YIPF4: variants seen among roughly 807,000 people sequenced by gnomAD.
YIPF4 encodes the protein Yip1 domain family member 4.
In YIPF4, 18 loss-of-function variants were observed where a neutral mutation model predicts 29.4. That is an observed-to-expected ratio of 0.61 (90% CI 0.42 to 0.91). YIPF4 has a LOEUF of 0.91. YIPF4 is among the 40% of genes least tolerant of loss of function. YIPF4 has a pLI of 0.00. For missense variants in YIPF4, 279 were observed against 282.7 expected (o/e 0.99, Z 0.09); for synonymous variants, 115 against 104.7 (o/e 1.10, Z -0.60).
Position 32,278,064 on chromosome 2 carries a change from A to C in YIPF4, c.-92A>C. ...CGTCGAGACTCGTAGGCCGCACCGT[A>C]GGGCGAGCGTGCGGGTCGCCGCCGC... is the stretch of plus-strand genomic sequence containing the variant. On this transcript the variant is annotated 5_prime_UTR_variant, in exon 1 of 6. Transcript: ENST00000238831. 1 of 1,132,392 alleles carries C rather than the reference A, an allele frequency of 8.8e-7. No individual in the cohort carries two copies. Among genetic ancestry groups the C allele is most frequent in the Non-Finnish European group, 1.2e-6 (1 of 806,702 alleles). 70.1% of individuals were successfully genotyped at this position (1,132,392 alleles called of 1,614,324 possible).
intron 3 of YIPF4, among the ~76,000 whole-genome samples, chr2:32,295,463 G>T (rs1290321644): frequency 6.6e-6 from 1 of 152,158 alleles, no homozygotes; most frequent in Non-Finnish European, 1.5e-5. Flanking sequence ...TGGTTCCTGT[G>T]GAAGCTCCAG....
chr2:32,290,169 G>A (rs112214201), intron 1 of YIPF4, among the ~76,000 whole-genome samples: 5 of 152,300 alleles, frequency 3.3e-5, no homozygotes, highest in African/African-American at 9.6e-5. Context: ...GTCATGTAAT[G>A]TATTTTGCAT....
intron 1 of YIPF4, among the ~76,000 whole-genome samples, chr2:32,282,740 CT>C (rs1231303830): frequency 1.3e-5 from 2 of 152,014 alleles, no homozygotes; most frequent in East Asian, 1.9e-4. Context: ...CCAACTTACC[CT>C]TTCTTAACCT....
chr2:32,279,570 T>G (rs1024796129), intron 1 of YIPF4, among the ~76,000 whole-genome samples: 8 of 92,756 alleles, frequency 8.6e-5, no homozygotes, highest in Admixed American at 2.3e-4. Flanking sequence ...GCTAATTTTT[T>G]TTTTTTTTGT....
chr2:32,304,492 T>C (rs572892163), intron 5 of YIPF4, among the ~76,000 whole-genome samples: 1 of 152,106 alleles, frequency 6.6e-6, no homozygotes, highest in African/African-American at 2.4e-5. Flanking sequence ...AGTTTGCCAA[T>C]ATTTATTTTT....
chr2:32,288,522 C>G (rs2030777736), intron 1 of YIPF4, among the ~76,000 whole-genome samples: 1 of 152,090 alleles, frequency 6.6e-6, no homozygotes, highest in Non-Finnish European at 1.5e-5. Context: ...AGAAAAAACA[C>G]TCTTGGCCTG....
At chr2:32,302,782 A>G (rs1185503881) in intron 5 of YIPF4, among the ~76,000 whole-genome samples, 1 of 152,154 alleles carries the variant, frequency 6.6e-6, no homozygotes, top group Non-Finnish European at 1.5e-5. Flanking sequence ...TAGCTTCCAC[A>G]TGAAAGTATT....
intron 1 of YIPF4, among the ~76,000 whole-genome samples, chr2:32,288,219 T>A (rs2030759595): frequency 6.6e-6 from 1 of 152,200 alleles, no homozygotes; most frequent in African/African-American, 2.4e-5. Context: ...CTTGATATTT[T>A]TTCTACTTTA....
rs1490656787 is a variant in YIPF4, at chr2:32,307,076, T to G, written c.*1450T>G. 2.4e-6 allele frequency: 3 copies of G among 1,274,872 alleles called. No individual in the cohort carries two copies. Among genetic ancestry groups the G allele is most frequent in the South Asian group, 2.6e-5 (2 of 75,888 alleles). 79.0% of individuals were successfully genotyped at this position (1,274,872 alleles called of 1,614,324 possible). The stretch of plus-strand genomic sequence containing the variant: ...TTTTGAGCTAGAATAATGTAGAAAA[T>G]TACATGTACTGATTTTTTTAAAAAC... On this transcript the variant is annotated 3_prime_UTR_variant, in exon 6 of 6. Coordinates refer to ENST00000238831, the MANE Select transcript of YIPF4 (RefSeq NM_032312.4).
chr2:32,287,263 A>G (rs1301248061), intron 1 of YIPF4, among the ~76,000 whole-genome samples: 1 of 152,134 alleles, frequency 6.6e-6, no homozygotes, highest in Non-Finnish European at 1.5e-5. Context: ...TGGTATCCTT[A>G]TAACTCAAAT....
Position 32,277,986 on chromosome 2 carries a change from G to C in YIPF4, c.-170G>C. 1.8e-6 allele frequency: 1 copy of C among 568,314 alleles called. No individual in the cohort carries two copies. Among genetic ancestry groups the C allele is most frequent in the Non-Finnish European group, 3.0e-6 (1 of 331,008 alleles). The allele number at this position is 568,314 out of a possible 1,614,324, so 35.2% of individuals were successfully genotyped here. A position where few individuals can be genotyped will look rare whatever the true frequency, so the allele number is the denominator to read the frequency against. Reference sequence around the variant, plus strand: ...AAGAAGACTTTGGTGGGGTAGTCTCGGGGCAGCTCAGCGGCCCGCTGTGCC... The same window carrying C: ...AAGAAGACTTTGGTGGGGTAGTCTCCGGGCAGCTCAGCGGCCCGCTGTGCC... On this transcript the variant is annotated 5_prime_UTR_variant, in exon 1 of 6. Coordinates refer to ENST00000238831, the MANE Select transcript of YIPF4 (RefSeq NM_032312.4).
At chr2:32,281,820 A>G (rs1011271527) in intron 1 of YIPF4, among the ~76,000 whole-genome samples, 1 of 150,856 alleles carries the variant, frequency 6.6e-6, no homozygotes, top group African/African-American at 2.4e-5. Flanking sequence ...ACTTGAACCC[A>G]GAAGGCAGAG....
intron 1 of YIPF4, among the ~76,000 whole-genome samples, chr2:32,279,072 A>G (rs2030253595): frequency 6.7e-6 from 1 of 149,900 alleles, no homozygotes; most frequent in African/African-American, 2.5e-5. Context: ...GGTTCACGCC[A>G]TTCTCCTGCC....
chr2:32,304,734 A>G (rs962931230), intron 5 of YIPF4, among the ~76,000 whole-genome samples: 2 of 152,220 alleles, frequency 1.3e-5, no homozygotes, highest in Non-Finnish European at 2.9e-5. Context: ...GTCTGTTCCT[A>G]TTAGAGTTTC....
rs1457134165 is a variant in YIPF4 at position 32,311,217 on chromosome 2, TAACA to T, written c.*5595_*5598del. ...TCTACTTATGAATACATTTTATTTA[TAACA>T]AACTGGTGAAAATTTTAGACCAAAC... On this transcript the variant is annotated 3_prime_UTR_variant, in exon 6 of 6. Transcript: ENST00000238831. The T allele has an allele frequency of 1.3e-5, 2 of 152,204 alleles. No individual in the cohort carries two copies. The highest frequency in any genetic ancestry group is 3.8e-4 in the East Asian group (2 of 5,198). 9.4% of individuals were successfully genotyped at this position (152,204 alleles called of 1,614,324 possible).
Position 32,312,175 on chromosome 2 carries a change from T to C in YIPF4, c.*6549T>C, listed in dbSNP as rs2031726811. 1 of 152,144 alleles carries C rather than the reference T, an allele frequency of 6.6e-6. No individual in the cohort carries two copies. Among genetic ancestry groups the C allele is most frequent in the Non-Finnish European group, 1.5e-5 (1 of 68,034 alleles). 9.4% of individuals were successfully genotyped at this position (152,144 alleles called of 1,614,324 possible). A position where few individuals can be genotyped will look rare whatever the true frequency, so the allele number is the denominator to read the frequency against. ...TCTTTTTTTACCAAATGGTACTTAATAAAATCTTTTACCTTATAAAAATCT... is the reference window on the plus strand; with the variant it reads ...TCTTTTTTTACCAAATGGTACTTAACAAAATCTTTTACCTTATAAAAATCT... On this transcript the variant is annotated 3_prime_UTR_variant, in exon 6 of 6. Coordinates refer to ENST00000238831, the MANE Select transcript of YIPF4 (RefSeq NM_032312.4).
In YIPF4 at chr2:32,307,254, T is replaced by G. The variant is rs1401415354; in HGVS notation, c.*1628T>G. 9 of 736,628 alleles carry G rather than the reference T, an allele frequency of 1.2e-5. No homozygotes were observed. The highest frequency in any genetic ancestry group is 1.1e-3 in the Middle Eastern group (2 of 1,822). 45.6% of individuals were successfully genotyped at this position (736,628 alleles called of 1,614,324 possible). A position where few individuals can be genotyped will look rare whatever the true frequency, so the allele number is the denominator to read the frequency against. On this transcript the variant is annotated 3_prime_UTR_variant, in exon 6 of 6. Coordinates refer to ENST00000238831, the MANE Select transcript of YIPF4 (RefSeq NM_032312.4). Reference sequence around the variant, plus strand: ...GTTAATACTTTGTTATAATGGATTATAATATTTGACATTCATAGTGTTGAC... The same window carrying G: ...GTTAATACTTTGTTATAATGGATTAGAATATTTGACATTCATAGTGTTGAC...
chr2:32,288,704 G>C (rs1013313055), intron 1 of YIPF4, among the ~76,000 whole-genome samples: 5 of 152,148 alleles, frequency 3.3e-5, no homozygotes, highest in African/African-American at 1.2e-4. Context: ...CAGCTACTCA[G>C]GAGGCCGAGG....
chr2:32,282,819 G>A (rs2030488370), intron 1 of YIPF4, among the ~76,000 whole-genome samples: 1 of 151,736 alleles, frequency 6.6e-6, no homozygotes, highest in Non-Finnish European at 1.5e-5. Flanking sequence ...GCTCACGCCT[G>A]TAATCCCAGA....
Sources: allele counts gnomAD v4.1 joint callset (sites outside exome capture counted in the v4.1 genomes callset), GRCh38; gene constraint gnomAD v4.1.1; transcripts MANE v1.5; gene names NCBI Gene and HGNC (gene_info 2026-07-23, HGNC 2026-07-21).